PAK2: variants seen among roughly 807,000 people sequenced by gnomAD.
PAK2 encodes the protein serine/threonine-protein kinase PAK 2.
Under a neutral mutation model 65.9 loss-of-function variants are expected in PAK2, and 21 were observed. That is an observed-to-expected ratio of 0.32 (90% CI 0.23 to 0.46). PAK2 has a LOEUF of 0.46. Among genes scored for constraint, PAK2 ranks in the 20% least tolerant of loss-of-function variants. The probability of loss-of-function intolerance (pLI) is 1.00; values close to 1 mark genes in which losing one functional copy is unlikely to be tolerated. For synonymous variants in PAK2, 204 were observed against 219.7 expected (o/e 0.93, Z 0.63); for missense variants, 324 against 642.6 (o/e 0.50, Z 5.36).
intron 7 of PAK2, chr3:196,808,185 G>T (rs574656622): frequency 3.8e-6 from 1 of 265,738 alleles, no homozygotes; most frequent in Non-Finnish European, 7.2e-6. Context: ...GGATGTGCTG[G>T]CATGTGCCTG....
intron 11 of PAK2, among the ~76,000 whole-genome samples, chr3:196,816,143 T>C (rs896017044): frequency 6.6e-6 from 1 of 152,200 alleles, no homozygotes; most frequent in Non-Finnish European, 1.5e-5. Flanking sequence ...AACTTTAAGT[T>C]TATAAGACTA....
At chr3:196,813,212 C>A (rs1166766490) in intron 10 of PAK2, among the ~76,000 whole-genome samples, 1 of 151,994 alleles carries the variant, frequency 6.6e-6, no homozygotes, top group Admixed American at 6.6e-5. Context: ...CAAATGCTAT[C>A]CTTCATGGAC....
In PAK2 at chr3:196,829,770, T is replaced by TAGAG. The variant is rs1712006113; in HGVS notation, c.*1367_*1370dup. 6.6e-6 allele frequency: 1 copy of TAGAG among 152,210 alleles called. No individual in the cohort carries two copies. The highest frequency in any genetic ancestry group is 2.1e-4 in the South Asian group (1 of 4,836). 9.4% of individuals were successfully genotyped at this position (152,210 alleles called of 1,614,324 possible). On this transcript the variant is annotated 3_prime_UTR_variant, in exon 15 of 15. Transcript: ENST00000327134. ...GTTTTGTTTTGTTTTTTCAAATAAG[T>TAGAG]AGAGACTATTGTAAAAAACGAGAAA...
intron 1 of PAK2, among the ~76,000 whole-genome samples, chr3:196,751,692 T>A (rs879570836): frequency 0.13 from 10,781 of 83,568 alleles, 2,306 homozygotes; most frequent in Non-Finnish European, 0.17. Context: ...TATATATATA[T>A]ATAATTCAGG....
chr3:196,793,511 A>G (rs560085208), intron 2 of PAK2, among the ~76,000 whole-genome samples: 3 of 152,304 alleles, frequency 2.0e-5, no homozygotes, highest in Admixed American at 1.3e-4. Flanking sequence ...AATACTTTCT[A>G]TATGAGTAGA....
chr3:196,765,456 T>A (rs1714133691), intron 1 of PAK2, among the ~76,000 whole-genome samples: 1 of 152,258 alleles, frequency 6.6e-6, no homozygotes, highest in East Asian at 1.9e-4. Context: ...GCCTGCCAAA[T>A]TTTCTAAAGT....
At chr3:196,815,334 A>G (rs960132016) in intron 11 of PAK2, among the ~76,000 whole-genome samples, 2 of 151,354 alleles carry the variant, frequency 1.3e-5, no homozygotes, top group Admixed American at 6.6e-5. Context: ...TCTACTAAAA[A>G]TACAAAAATT....
chr3:196,783,283 C>G (rs868203114), intron 2 of PAK2, among the ~76,000 whole-genome samples: 13 of 152,126 alleles, frequency 8.5e-5, no homozygotes, highest in South Asian at 2.1e-4. Context: ...CGGAGGCAGC[C>G]TCAGTACTCA....
chr3:196,795,995 A>C (rs2108751656), intron 2 of PAK2, among the ~76,000 whole-genome samples: 1 of 152,342 alleles, frequency 6.6e-6, no homozygotes. Context: ...GATTCTCATA[A>C]GAAGCGCACA....
chr3:196,761,780 G>A (rs1209188608), intron 1 of PAK2, among the ~76,000 whole-genome samples: 10 of 146,610 alleles, frequency 6.8e-5, no homozygotes, highest in African/African-American at 1.5e-4. Flanking sequence ...CTGGCCGGGC[G>A]GGGGGCTGAC....
At chr3:196,809,772 G>GT (rs1715714602) in intron 7 of PAK2, among the ~76,000 whole-genome samples, 1 of 151,688 alleles carries the variant, frequency 6.6e-6, no homozygotes, top group African/African-American at 2.4e-5. Flanking sequence ...TATTGATCCT[G>GT]TTTCTTTGCT....
intron 1 of PAK2, among the ~76,000 whole-genome samples, chr3:196,781,223 A>C (rs982554746): frequency 6.6e-6 from 1 of 152,256 alleles, no homozygotes; most frequent in Non-Finnish European, 1.5e-5. Flanking sequence ...AATGCATTAA[A>C]TAATCTTAGA....
intron 11 of PAK2, among the ~76,000 whole-genome samples, chr3:196,815,179 CA>C (rs1006098764): frequency 1.4e-5 from 2 of 143,498 alleles, no homozygotes; most frequent in African/African-American, 5.2e-5. Context: ...GAGTCCGTCT[CA>C]AAAAAAAAGA....
At chr3:196,828,279 A>G (rs1217764580) in intron 14 of PAK2, 40 bp from the exon 15 acceptor site, 1 of 1,136,956 alleles carries the variant, frequency 8.8e-7, no homozygotes, top group Non-Finnish European at 1.3e-6. Context: ...AACCTGATGA[A>G]TGGCACTTAT....
At chr3:196,756,845 A>G (rs1163916813) in intron 1 of PAK2, among the ~76,000 whole-genome samples, 1 of 152,234 alleles carries the variant, frequency 6.6e-6, no homozygotes, top group Non-Finnish European at 1.5e-5. Context: ...CAAAAAAGAA[A>G]GAAAGAAACA....
intron 1 of PAK2, among the ~76,000 whole-genome samples, chr3:196,774,328 G>T (rs1205791752): frequency 2.0e-5 from 3 of 152,100 alleles, no homozygotes; most frequent in African/African-American, 7.2e-5. Context: ...TTACTTTTGG[G>T]TAAGTTGGTT....
rs1357635117 is a variant in PAK2, at chr3:196,831,962, A to G, written c.*3557A>G. The G allele has an allele frequency of 2.0e-5, 3 of 152,186 alleles. No homozygotes were observed. The highest frequency in any genetic ancestry group is 7.2e-5 in the African/African-American group (3 of 41,458). 9.4% of individuals were successfully genotyped at this position (152,186 alleles called of 1,614,324 possible). A position where few individuals can be genotyped will look rare whatever the true frequency, so the allele number is the denominator to read the frequency against. ...TGAAACTGGTAAAATCAGTTTTTTG[A>G]TAGTGTGTGTATATAAGAAAAAATA... On this transcript the variant is annotated 3_prime_UTR_variant, in exon 15 of 15. Transcript: ENST00000327134.
Position 196,828,949 on chromosome 3 carries a change from A to G in PAK2, c.*544A>G, listed in dbSNP as rs1711974709. The G allele has an allele frequency of 6.5e-6, 1 of 152,718 alleles. No individual in the cohort carries two copies. The highest frequency in any genetic ancestry group is 1.5e-5 in the Non-Finnish European group (1 of 68,108). 9.5% of individuals were successfully genotyped at this position (152,718 alleles called of 1,614,324 possible). A position where few individuals can be genotyped will look rare whatever the true frequency, so the allele number is the denominator to read the frequency against. On this transcript the variant is annotated 3_prime_UTR_variant, in exon 15 of 15. Transcript: ENST00000327134. ...GCTCTATATAGTTTCACTTTGTATAAAAGTTAGGACCAGCTGTTGTTACAT... is the reference window on the plus strand; with the variant it reads ...GCTCTATATAGTTTCACTTTGTATAGAAGTTAGGACCAGCTGTTGTTACAT...
intron 2 of PAK2, among the ~76,000 whole-genome samples, chr3:196,798,313 T>C (rs1390812021): frequency 6.6e-6 from 1 of 151,570 alleles, no homozygotes; most frequent in African/African-American, 2.4e-5. Context: ...AAAAAGATGG[T>C]ATGAACAAAT....
Sources: gnomAD v4.1 joint callset for allele counts (sites outside exome capture counted in the v4.1 genomes callset) on GRCh38, gnomAD v4.1.1 for gene constraint, MANE v1.5 for transcripts, NCBI Gene and HGNC (gene_info 2026-07-23, HGNC 2026-07-21) for gene names.